The following SALL3 variants were observed in gnomAD, a reference collection of about 807,000 sequenced individuals.
SALL3 encodes the protein sal-like protein 3.
In SALL3, 25 loss-of-function variants were observed where a neutral mutation model predicts 66.2. The observed-to-expected ratio is 0.38, with a 90% CI of 0.28 to 0.53. The LOEUF (loss-of-function observed/expected upper bound fraction) is 0.53. Among genes scored for constraint, SALL3 ranks in the 20% least tolerant of loss-of-function variants. SALL3 has a pLI of 0.85. For synonymous variants in SALL3, 1,152 were observed against 899.1 expected (o/e 1.28, Z -5.03); for missense variants, 2,194 against 1,916.5 (o/e 1.14, Z -2.70).
In SALL3 at chr18:78,992,369, G is replaced by T; in HGVS notation, c.378G>T (p.Pro126=). 1.5e-6 allele frequency: 2 copies of T among 1,335,530 alleles called. No individual in the cohort carries two copies. Among genetic ancestry groups the T allele is most frequent in the South Asian group, 1.8e-5 (1 of 56,110 alleles). 82.7% of individuals were successfully genotyped at this position (1,335,530 alleles called of 1,614,324 possible). The change falls in exon 2 of 3, where the codon CCG becomes CCT. Residue 126 remains proline (P), a synonymous_variant. Coordinates refer to ENST00000537592, the MANE Select transcript of SALL3 (RefSeq NM_171999.4). ...AGGGCGCGGAGGGCGAGGCCAGGCC[G>T]GTGGAGAAGGAGGCCGAGCCCATGG... is the stretch of plus-strand genomic sequence containing the variant. ...GAEGAEGEAR[P]VEKEAEPMDA... is the part of the protein sequence containing the mutation.
Position 78,994,085 on chromosome 18 carries a change from C to T in SALL3, c.2094C>T (p.Tyr698=). ...LSCQSALKMH[Y]RTHTGERPFK... ...GCCAGAGCGCGCTGAAGATGCACTA[C>T]CGGACGCACACGGGGGAGCGGCCGT... Residue 698 remains tyrosine (Y), a synonymous_variant, in exon 2 of 3, where the codon TAC becomes TAT. Coordinates refer to ENST00000537592, the MANE Select transcript of SALL3 (RefSeq NM_171999.4). 6.2e-7 allele frequency: 1 copy of T among 1,613,000 alleles called. No homozygotes were observed. Among genetic ancestry groups the T allele is most frequent in the Non-Finnish European group, 8.5e-7 (1 of 1,179,970 alleles).
In SALL3 at chr18:78,998,532, G is replaced by C. The variant is rs1379713206; in HGVS notation, c.*1210G>C. 3 of 152,126 alleles carry C rather than the reference G, an allele frequency of 2.0e-5. No homozygotes were observed. The highest frequency in any genetic ancestry group is 7.2e-5 in the African/African-American group (3 of 41,422). 9.4% of individuals were successfully genotyped at this position (152,126 alleles called of 1,614,324 possible). ...TGTGACCGCCCCCTAACGAAACCTT[G>C]GTGAATTCATCCTAGGACTATGACG... On this transcript the variant is annotated 3_prime_UTR_variant, in exon 3 of 3. Transcript: ENST00000537592.
intron 1 of SALL3, 128 bp from the exon 2 acceptor site, chr18:78,991,946 C>A: frequency 1.4e-6 from 1 of 712,542 alleles, no homozygotes; most frequent in Non-Finnish European, 2.1e-6. Context: ...AATACGCACG[C>A]TGGGACGTCA....
Position 78,992,671 on chromosome 18 carries a change from G to A in SALL3, c.680G>A (p.Arg227His). Reference protein sequence around the residue: ...IHQLQLIEQIRSQVALMQRPP... With the variant: ...IHQLQLIEQIHSQVALMQRPP... The stretch of plus-strand genomic sequence containing the variant: ...CAGCTGCAGCTCATCGAGCAGATCC[G>A]CAGCCAGGTGGCCCTCATGCAGCGC... Residue 227 changes from arginine to histidine, a missense_variant, in exon 2 of 3, where the codon CGC becomes CAC. By Grantham distance (29) the Arg-to-His change is conservative. Transcript: ENST00000537592. 1.3e-6 allele frequency: 2 copies of A among 1,537,392 alleles called. No individual in the cohort carries two copies. The highest frequency in any genetic ancestry group is 8.7e-7 in the Non-Finnish European group (1 of 1,147,548).
At chr18:78,984,901 T>A (rs1914192468) in intron 1 of SALL3, 1 of 152,222 alleles carries the variant, frequency 6.6e-6, no homozygotes. Context: ...TGTGGGCCTG[T>A]CTTTTTCAAT....
In SALL3 at chr18:78,994,797, G is replaced by A. The variant is rs752351931; in HGVS notation, c.2806G>A (p.Glu936Lys). The A allele has an allele frequency of 9.6e-5, 154 of 1,597,178 alleles. No homozygotes were observed. The highest frequency in any genetic ancestry group is 1.8e-5 in the Non-Finnish European group (21 of 1,174,458). The change falls in exon 2 of 3, where the codon GAG (glutamate) becomes AAG (lysine). Residue 936 changes from glutamate to lysine, a missense_variant. Coordinates refer to ENST00000537592, the MANE Select transcript of SALL3 (RefSeq NM_171999.4). ...GCCCCAGGAAATCCCGCTCAAGACC[G>A]AGAGGCCGGACAGCCCAGCCGCCGC... ...EEPQEIPLKT[E>K]RPDSPAAAPG...
chr18:78,993,825 C>T lies in SALL3; in HGVS notation c.1834C>T (p.Pro612Ser), dbSNP rs746875205. ...CACCAACGCCAGGGCCGGGGACGCT[C>T]CCGTGGGCGCGCAGGCTAGCGCTGC... ...PCTNARAGDA[P>S]VGAQASAAPT... The change falls in exon 2 of 3, where the codon CCC (proline) becomes TCC (serine). Residue 612 changes from proline (P) to serine (S), a missense_variant. Transcript: ENST00000537592. 12 of 1,552,830 alleles carry T rather than the reference C, an allele frequency of 7.7e-6. No homozygotes were observed. Among genetic ancestry groups the T allele is most frequent in the Non-Finnish European group, 1.0e-5 (12 of 1,152,360 alleles).
At chr18:78,981,767 AT>A (rs201990250) in intron 1 of SALL3, among the ~76,000 whole-genome samples, 4 of 151,692 alleles carry the variant, frequency 2.6e-5, no homozygotes, top group Admixed American at 6.6e-5. Flanking sequence ...ATGGAAATGG[AT>A]TTTTTTTTGT....
chr18:78,992,653 A>G lies in SALL3; in HGVS notation c.662A>G (p.Gln221Arg). 1 of 1,546,328 alleles carries G rather than the reference A, an allele frequency of 6.5e-7. No homozygotes were observed. The highest frequency in any genetic ancestry group is 8.7e-7 in the Non-Finnish European group (1 of 1,152,154). ...CAGCAGCAGCAGATCCACCAGCTGC[A>G]GCTCATCGAGCAGATCCGCAGCCAG... The part of the protein sequence containing the change: ...ALQQQQIHQL[Q>R]LIEQIRSQVA... Residue 221 changes from glutamine to arginine, a missense_variant, in exon 2 of 3, where the codon CAG (glutamine) becomes CGG (arginine). Gln to Arg is a conservative substitution (Grantham distance 43). Transcript: ENST00000537592.
At chr18:78,980,452 G>A (rs956078554) in intron 1 of SALL3, 96 bp downstream of exon 1, 9 of 720,630 alleles carry the variant, frequency 1.2e-5, no homozygotes, top group Non-Finnish European at 1.7e-5. Context: ...GCGTCCGGGA[G>A]CGGGAGAAAG....
chr18:78,995,185 T>G lies in SALL3; in HGVS notation c.3194T>G (p.Val1065Gly). 6.2e-7 allele frequency: 1 copy of G among 1,612,080 alleles called. No homozygotes were observed. Among genetic ancestry groups the G allele is most frequent in the Non-Finnish European group, 8.5e-7 (1 of 1,179,968 alleles). The change falls in exon 2 of 3, where the codon GTG becomes GGG. Residue 1065 changes from valine (V) to glycine (G), a missense_variant. By Grantham distance (109) the Val-to-Gly change is moderately radical (BLOSUM62 -3). Transcript: ENST00000537592. ...GCACCCACCATGATCAAAATGGAAG[T>G]GAACGGTCACGGCAAGGCCATGGCG... Reference protein sequence around the residue: ...SAAPTMIKMEVNGHGKAMALG... With the variant: ...SAAPTMIKMEGNGHGKAMALG...
chr18:78,992,277 G>A lies in SALL3; in HGVS notation c.286G>A (p.Glu96Lys). The change falls in exon 2 of 3, where the codon GAG (glutamate) becomes AAG (lysine). Residue 96 changes from glutamate (E) to lysine (K), a missense_variant. Physicochemically the swap from Glu to Lys is moderately conservative, Grantham distance 56. Coordinates refer to ENST00000537592, the MANE Select transcript of SALL3 (RefSeq NM_171999.4). ...CGCGCCGCCCCCCGAGGACTTCCCC[G>A]AGCCTTCGCCCGCCAGCTCCCCCAG... ...APAPPPEDFP[E>K]PSPASSPSER... The A allele has an allele frequency of 6.5e-7, 1 of 1,544,606 alleles. No homozygotes were observed. Among genetic ancestry groups the A allele is most frequent in the African/African-American group, 1.4e-5 (1 of 70,794 alleles).
Position 78,997,964 on chromosome 18 carries a change from G to C in SALL3, c.*642G>C, listed in dbSNP as rs1451156611. 2 of 150,468 alleles carry C rather than the reference G, an allele frequency of 1.3e-5. No individual in the cohort carries two copies. The highest frequency in any genetic ancestry group is 2.9e-5 in the Non-Finnish European group (2 of 67,826). The allele number at this position is 150,468 out of a possible 1,614,324, so 9.3% of individuals were successfully genotyped here. On this transcript the variant is annotated 3_prime_UTR_variant, in exon 3 of 3. Transcript: ENST00000537592. ...AATGCAGGCAAAATTGTGAAGTTCT[G>C]TTGGGAAAGATAGCATGCTTTTCGT...
rs1182373759 is a variant in SALL3, at chr18:78,994,518, C to G, written c.2527C>G (p.Leu843Val). ...PPSVISSIAA[L>V]ENQMKMIDSV... ...CTCGGTCATCTCCAGCATTGCCGCC[C>G]TGGAGAACCAGATGAAGATGATCGA... is the stretch of plus-strand genomic sequence containing the variant. The change falls in exon 2 of 3, where the codon CTG becomes GTG. Residue 843 changes from leucine (L) to valine (V), a missense_variant. Physicochemically the swap from Leu to Val is conservative, Grantham distance 32 (BLOSUM62 1). Coordinates refer to ENST00000537592, the MANE Select transcript of SALL3 (RefSeq NM_171999.4). 5.0e-6 allele frequency: 8 copies of G among 1,612,070 alleles called. No homozygotes were observed. The highest frequency in any genetic ancestry group is 4.0e-5 in the African/African-American group (3 of 74,780).
chr18:78,980,186 C>A lies in SALL3; in HGVS notation c.-89C>A. ...GCCGCCGCCGCCCCGCGCCCCGCGCCGCGCGCCCGCCAGGCCGCCCCGCGC... is the reference window on the plus strand; with the variant it reads ...GCCGCCGCCGCCCCGCGCCCCGCGCAGCGCGCCCGCCAGGCCGCCCCGCGC... On this transcript the variant is annotated 5_prime_UTR_variant, in exon 1 of 3. Transcript: ENST00000537592. The A allele has an allele frequency of 4.4e-6, 2 of 452,902 alleles. No individual in the cohort carries two copies. Among genetic ancestry groups the A allele is most frequent in the Non-Finnish European group, 5.8e-6 (2 of 346,896 alleles). The allele number at this position is 452,902 out of a possible 1,614,324, so 28.1% of individuals were successfully genotyped here.
At position 78,980,037 on chromosome 18, in the gene SALL3, A is replaced by C. The variant is rs1035231023; in HGVS notation, c.-238A>C. 2.8e-5 allele frequency among the ~76,000 whole-genome samples: 4 copies of C among 145,116 alleles called. No individual in the cohort carries two copies. The highest frequency in any genetic ancestry group is 4.6e-5 in the Non-Finnish European group (3 of 65,448). On this transcript the variant is annotated 5_prime_UTR_variant, in exon 1 of 3. Transcript: ENST00000537592. The stretch of plus-strand genomic sequence containing the variant: ...CTCGTCGGCGCGGCCGCTAATTGCG[A>C]GCGCGGCCTCATTTGCATAGGCCGC...
Position 78,993,314 on chromosome 18 carries a change from G to T in SALL3, c.1323G>T (p.Ser441=), listed in dbSNP as rs771343839. Residue 441 remains serine (S), a synonymous_variant, in exon 2 of 3, where the codon TCG becomes TCT. Transcript: ENST00000537592. ...SDSALQIHLR[S]HTGERPFKCN... is the part of the protein sequence containing the mutation. ...GCGCGCTCCAGATCCACCTGCGCTC[G>T]CACACAGGCGAGCGGCCCTTCAAGT... is the stretch of plus-strand genomic sequence containing the variant. 3 of 1,612,014 alleles carry T rather than the reference G, an allele frequency of 1.9e-6. No individual in the cohort carries two copies. The African/African-American group carries it at 4.0e-5, about 21-fold the overall frequency.
intron 1 of SALL3, among the ~76,000 whole-genome samples, chr18:78,980,559 T>G (rs1914005456): frequency 6.6e-6 from 1 of 151,576 alleles, no homozygotes; most frequent in Non-Finnish European, 1.5e-5. Flanking sequence ...GAGAGAGTTG[T>G]GGGCGAAGTA....
At position 78,998,723 on chromosome 18, in the gene SALL3, C is replaced by T. The variant is rs1287086363; in HGVS notation, c.*1401C>T. The T allele has an allele frequency of 2.0e-5, 3 of 152,252 alleles. No homozygotes were observed. Among genetic ancestry groups the T allele is most frequent in the African/African-American group, 7.2e-5 (3 of 41,470 alleles). The allele number at this position is 152,252 out of a possible 1,614,324, so 9.4% of individuals were successfully genotyped here. A position where few individuals can be genotyped will look rare whatever the true frequency, so the allele number is the denominator to read the frequency against. On this transcript the variant is annotated 3_prime_UTR_variant, in exon 3 of 3. Transcript: ENST00000537592. ...AATGGCAAGTATCAGGCAGTACAAT[C>T]AGTCATGACTTTGAAATTTTCCGAG...
Sources: allele counts gnomAD v4.1 joint callset (sites outside exome capture counted in the v4.1 genomes callset), GRCh38; gene constraint gnomAD v4.1.1; transcripts MANE v1.5; gene names NCBI Gene and HGNC (gene_info 2026-07-23, HGNC 2026-07-21).